The following ZNF618 variants were observed in gnomAD, a reference collection of about 807,000 sequenced individuals.
ZNF618 encodes the protein neural precursor cell expressed, developmentally down-regulated 10.
ZNF618 carries 34 observed loss-of-function variants against 103.0 expected under a neutral mutation model. That is an observed-to-expected ratio of 0.33 (90% confidence interval 0.25 to 0.44). The LOEUF (loss-of-function observed/expected upper bound fraction) is 0.44, where lower values mean the gene tolerates loss of function less well. ZNF618 is among the 20% of genes least tolerant of loss of function. ZNF618 has a pLI of 1.00. For missense variants in ZNF618, 1,059 were observed against 1,295.4 expected, an observed-to-expected ratio of 0.82 and a Z score of 2.80; for synonymous variants, 551 against 542.2, an observed-to-expected ratio of 1.02 and a Z score of -0.23.
chr9:113,963,980 G>A (rs1837109402), intron 1 of ZNF618, among the ~76,000 whole-genome samples: 1 of 152,230 alleles, frequency 6.6e-6, no homozygotes, highest in Non-Finnish European at 1.5e-5. Flanking sequence ...ATTAAATCTA[G>A]CTGGGGGAGG....
intron 1 of ZNF618, among the ~76,000 whole-genome samples, chr9:113,898,442 T>TC (rs1466650831): frequency 2.0e-5 from 3 of 151,152 alleles, no homozygotes. Context: ...TTTTTCGTTT[T>TC]TTTTTTTTTT....
chr9:114,036,548 G>C (rs1223394069), intron 13 of ZNF618, among the ~76,000 whole-genome samples, 171 bp downstream of exon 13: 1 of 152,252 alleles, frequency 6.6e-6, no homozygotes, highest in Non-Finnish European at 1.5e-5. Flanking sequence ...ATTAACACAG[G>C]CTGGTCTGTG....
intron 3 of ZNF618, among the ~76,000 whole-genome samples, chr9:113,996,699 G>T (rs1160519760): frequency 2.0e-5 from 3 of 152,192 alleles, no homozygotes; most frequent in African/African-American, 7.2e-5. Context: ...CCTGCCTCCT[G>T]TGTGCTGGCA....
intron 1 of ZNF618, among the ~76,000 whole-genome samples, chr9:113,916,122 G>A (rs1478947530): frequency 6.6e-6 from 1 of 152,034 alleles, no homozygotes; most frequent in Non-Finnish European, 1.5e-5. Flanking sequence ...GTGTATTGCA[G>A]TGTTGGAGAG....
At chr9:114,042,688 T>C (rs1304270830) in intron 13 of ZNF618, among the ~76,000 whole-genome samples, 1 of 152,106 alleles carries the variant, frequency 6.6e-6, no homozygotes, top group African/African-American at 2.4e-5. Context: ...AAATAAGCCA[T>C]GCATGGTAGC....
At chr9:113,944,856 A>G (rs987557462) in intron 1 of ZNF618, among the ~76,000 whole-genome samples, 1 of 152,148 alleles carries the variant, frequency 6.6e-6, no homozygotes, top group African/African-American at 2.4e-5. Context: ...AGCCCATCTC[A>G]GTTTGGATTA....
intron 1 of ZNF618, among the ~76,000 whole-genome samples, chr9:113,951,353 T>A (rs948337815): frequency 8.5e-6 from 1 of 117,384 alleles, no homozygotes; most frequent in Non-Finnish European, 1.9e-5. Flanking sequence ...TATTTGTGAA[T>A]AGGGACCTTT....
At chr9:113,922,765 G>A (rs2183364) in intron 1 of ZNF618, among the ~76,000 whole-genome samples, 76,030 of 151,926 alleles carry the variant, frequency 0.5, 19,355 homozygotes, top group Non-Finnish European at 0.55. Context: ...TGTTCTTTGG[G>A]ATTGTATTGG....
At position 114,036,304 on chromosome 9, in the gene ZNF618, C is replaced by G. The variant is rs1844599317; in HGVS notation, c.1173C>G (p.Pro391=). The G allele has an allele frequency of 6.4e-7, 1 of 1,571,564 alleles. No homozygotes were observed. The highest frequency in any genetic ancestry group is 8.6e-7 in the Non-Finnish European group (1 of 1,157,758). ...TNSSSQNSSE[P]YTCGACGIQF... ...CTGCCGCATTTCTCCCTCCAGAACC[C>G]TACACCTGCGGCGCCTGTGGGATCC... The change falls in exon 13 of 15, where the codon CCC becomes CCG. Residue 391 remains proline (P), a synonymous_variant. Coordinates refer to ENST00000374126, the MANE Select transcript of ZNF618 (RefSeq NM_001318042.2).
chr9:113,981,634 C>T (rs769411473), intron 2 of ZNF618, among the ~76,000 whole-genome samples: 3 of 152,226 alleles, frequency 2.0e-5, no homozygotes, highest in African/African-American at 4.8e-5. Flanking sequence ...AGCATCAGGG[C>T]GGACTCTCCT....
rs562338461 is a variant in ZNF618, at chr9:113,937,142, G to A, written c.34-31975G>A. Reference sequence around the variant, plus strand: ...ATTTTCCTTTTGAAAAACTTATTTCGACATAATTTCAGGAAGTTTTAAGAA... The same window carrying A: ...ATTTTCCTTTTGAAAAACTTATTTCAACATAATTTCAGGAAGTTTTAAGAA... On this transcript the variant is annotated intron_variant, in intron 1 of 14. Coordinates refer to ENST00000374126, the MANE Select transcript of ZNF618 (RefSeq NM_001318042.2). Among the ~76,000 whole-genome samples, 12 of 152,132 alleles carry A rather than the reference G, an allele frequency of 7.9e-5. No individual in the cohort carries two copies. In the South Asian group the frequency reaches 2.3e-3, roughly 29 times the overall value.
At chr9:113,907,794 A>G (rs1369070015) in intron 1 of ZNF618, among the ~76,000 whole-genome samples, 1 of 152,168 alleles carries the variant, frequency 6.6e-6, no homozygotes, top group African/African-American at 2.4e-5. Context: ...ACTGTCCTCA[A>G]ATGAGCTGGG....
At chr9:113,985,994 AC>A (rs1478921174) in intron 2 of ZNF618, among the ~76,000 whole-genome samples, 1 of 152,154 alleles carries the variant, frequency 6.6e-6, no homozygotes, top group Non-Finnish European at 1.5e-5. Flanking sequence ...ACACTTTCTT[AC>A]CGTGGAGAAG....
intron 2 of ZNF618, among the ~76,000 whole-genome samples, chr9:113,976,935 C>G (rs1838526300): frequency 6.6e-6 from 1 of 152,154 alleles, no homozygotes; most frequent in South Asian, 2.1e-4. Context: ...GGGTATGGCT[C>G]CTAGCAACGA....
At chr9:113,986,938 C>G (rs978668292) in intron 2 of ZNF618, among the ~76,000 whole-genome samples, 15 of 152,188 alleles carry the variant, frequency 9.9e-5, no homozygotes, top group Admixed American at 5.9e-4. Flanking sequence ...TGCCCAAGGC[C>G]ACACAGCAAG....
intron 2 of ZNF618, among the ~76,000 whole-genome samples, chr9:113,972,372 C>A (rs1838053070): frequency 6.6e-6 from 1 of 152,130 alleles, no homozygotes; most frequent in Non-Finnish European, 1.5e-5. Flanking sequence ...TTAATGTAAT[C>A]TTTTTAACAA....
At chr9:114,014,298 A>G (rs746227665) in intron 9 of ZNF618, among the ~76,000 whole-genome samples, 3 of 152,240 alleles carry the variant, frequency 2.0e-5, no homozygotes, top group Non-Finnish European at 4.4e-5. Flanking sequence ...TTAATGGTGT[A>G]TTAGAGACAA....
At chr9:113,961,683 G>C (rs1464926968) in intron 1 of ZNF618, among the ~76,000 whole-genome samples, 1 of 152,210 alleles carries the variant, frequency 6.6e-6, no homozygotes, top group Non-Finnish European at 1.5e-5. Flanking sequence ...TGATCTAAGA[G>C]GCAAGGACTA....
At chr9:113,962,468 T>C (rs1285437737) in intron 1 of ZNF618, among the ~76,000 whole-genome samples, 1 of 152,224 alleles carries the variant, frequency 6.6e-6, no homozygotes, top group African/African-American at 2.4e-5. Flanking sequence ...CAAAACCTTC[T>C]AGTGGCTTTC....
Sources: allele counts gnomAD v4.1 joint callset (sites outside exome capture counted in the v4.1 genomes callset), GRCh38; gene constraint gnomAD v4.1.1; transcripts MANE v1.5; gene names NCBI Gene and HGNC (gene_info 2026-07-23, HGNC 2026-07-21).